XKR4: variants seen among roughly 807,000 people sequenced by gnomAD.
XKR4 encodes XK related 4.
Under a neutral mutation model 53.9 loss-of-function variants are expected in XKR4, and 12 were observed. The observed-to-expected ratio is 0.22, with a 90% CI of 0.14 to 0.36. The LOEUF is 0.36. Ranked by LOEUF, XKR4 falls within the 10% of genes least tolerant of loss-of-function variation. The probability of loss-of-function intolerance (pLI) is 1.00; values close to 1 mark genes in which losing one functional copy is unlikely to be tolerated. For synonymous variants in XKR4, 354 were observed against 362.4 expected (o/e 0.98, Z 0.26); for missense variants, 799 against 859.5 (o/e 0.93, Z 0.88).
chr8:55,162,681 G>A (rs572142190), intron 1 of XKR4, among the ~76,000 whole-genome samples: 1 of 152,110 alleles, frequency 6.6e-6, no homozygotes, highest in Non-Finnish European at 1.5e-5. Flanking sequence ...AACAAGGTAA[G>A]CACACAGAAA....
At chr8:55,113,128 C>T (rs1448827720) in intron 1 of XKR4, among the ~76,000 whole-genome samples, 1 of 152,012 alleles carries the variant, frequency 6.6e-6, no homozygotes, top group Non-Finnish European at 1.5e-5. Context: ...TAAAGAGTTA[C>T]AATTATTTAA....
At chr8:55,515,277 T>C (rs1466485855) in intron 2 of XKR4, among the ~76,000 whole-genome samples, 1 of 152,148 alleles carries the variant, frequency 6.6e-6, no homozygotes, top group East Asian at 1.9e-4. Flanking sequence ...TATTACAAGG[T>C]TTAAAACAGA....
At chr8:55,505,326 G>A (rs902343807) in intron 2 of XKR4, among the ~76,000 whole-genome samples, 8 of 151,988 alleles carry the variant, frequency 5.3e-5, no homozygotes, top group East Asian at 1.9e-4. Context: ...TTGACCCACT[G>A]GTTAAGAGTA....
At chr8:55,455,823 A>G (rs1805561319) in intron 2 of XKR4, among the ~76,000 whole-genome samples, 1 of 152,220 alleles carries the variant, frequency 6.6e-6, no homozygotes, top group Non-Finnish European at 1.5e-5. Context: ...CACAAAGATC[A>G]GTCATCAGGA....
At chr8:55,209,244 T>C (rs1817694047) in intron 1 of XKR4, among the ~76,000 whole-genome samples, 1 of 143,410 alleles carries the variant, frequency 7.0e-6, no homozygotes, top group Non-Finnish European at 1.6e-5. Flanking sequence ...TTCTCTCACC[T>C]GCTCAGCCCC....
At chr8:55,364,530 T>G (rs1803948388) in intron 2 of XKR4, among the ~76,000 whole-genome samples, 1 of 152,256 alleles carries the variant, frequency 6.6e-6, no homozygotes, top group Admixed American at 6.5e-5. Context: ...GAGCTATGCA[T>G]TCTGCCAGAG....
At chr8:55,159,018 T>G (rs1314966042) in intron 1 of XKR4, among the ~76,000 whole-genome samples, 1 of 152,096 alleles carries the variant, frequency 6.6e-6, no homozygotes, top group Non-Finnish European at 1.5e-5. Context: ...CTGTGAAGAG[T>G]ATCATTGGTA....
intron 2 of XKR4, among the ~76,000 whole-genome samples, chr8:55,446,136 A>G (rs1399917628): frequency 4.0e-5 from 6 of 150,742 alleles, no homozygotes; most frequent in Non-Finnish European, 4.4e-5. Context: ...CCACCCTGAA[A>G]CTATAGCGTT....
intron 2 of XKR4, among the ~76,000 whole-genome samples, chr8:55,399,956 G>T (rs140286413): frequency 2.6e-5 from 4 of 152,308 alleles, no homozygotes; most frequent in African/African-American, 9.6e-5. Flanking sequence ...TCCAGGTTCT[G>T]CCCCTCGGGT....
At chr8:55,158,429 T>G (rs941515189) in intron 1 of XKR4, among the ~76,000 whole-genome samples, 7 of 152,192 alleles carry the variant, frequency 4.6e-5, no homozygotes, top group African/African-American at 1.7e-4. Context: ...TTTGCAAATA[T>G]TTTCTCCATT....
chr8:55,497,202 C>T (rs56941354), intron 2 of XKR4, among the ~76,000 whole-genome samples: 8,034 of 152,226 alleles, frequency 0.053, 598 homozygotes, highest in East Asian at 0.28. Context: ...TTCCCTATTA[C>T]GCTAAGCACT....
chr8:55,293,126 G>A (rs1819053674), intron 1 of XKR4, among the ~76,000 whole-genome samples: 2 of 152,186 alleles, frequency 1.3e-5, no homozygotes, highest in African/African-American at 4.8e-5. Flanking sequence ...CCTGAGGTCA[G>A]GAGTTTGAGA....
chr8:55,324,934 T>G (rs941348321), intron 1 of XKR4, among the ~76,000 whole-genome samples: 1 of 152,168 alleles, frequency 6.6e-6, no homozygotes, highest in African/African-American at 2.4e-5. Flanking sequence ...TTACCACCTT[T>G]CTCATCACAT....
At chr8:55,297,212 T>G (rs907540823) in intron 1 of XKR4, among the ~76,000 whole-genome samples, 1 of 152,084 alleles carries the variant, frequency 6.6e-6, no homozygotes, top group African/African-American at 2.4e-5. Context: ...ACCCAAGAGC[T>G]TGGGGAGCAC....
chr8:55,427,910 C>T (rs1329244277), intron 2 of XKR4, among the ~76,000 whole-genome samples: 3 of 152,174 alleles, frequency 2.0e-5, no homozygotes, highest in Non-Finnish European at 4.4e-5. Context: ...TGCAGATGAG[C>T]TCATTGAGAC....
intron 2 of XKR4, among the ~76,000 whole-genome samples, chr8:55,379,779 C>T (rs778127843): frequency 1.3e-5 from 2 of 152,206 alleles, no homozygotes; most frequent in African/African-American, 2.4e-5. Context: ...GGTTCCAGGG[C>T]ATCTTCGGGT....
intron 2 of XKR4, among the ~76,000 whole-genome samples, chr8:55,521,149 T>A (rs1157668629): frequency 6.6e-6 from 1 of 152,230 alleles, no homozygotes; most frequent in Non-Finnish European, 1.5e-5. Context: ...GAAACCCAGC[T>A]GGGCGCCGCG....
chr8:55,473,111 C>T (rs1261705686), intron 2 of XKR4, among the ~76,000 whole-genome samples: 1 of 152,094 alleles, frequency 6.6e-6, no homozygotes, highest in Non-Finnish European at 1.5e-5. Flanking sequence ...TCCAGTCTTC[C>T]TTGGCCTGCC....
At chr8:55,453,081 G>T in intron 2 of XKR4, 1 of 573,754 alleles carries the variant, frequency 1.7e-6, no homozygotes, top group Non-Finnish European at 3.4e-6. Context: ...GATCCTCGGT[G>T]GGCTCCAGGT....
Sources: gnomAD v4.1 joint callset for allele counts (sites outside exome capture counted in the v4.1 genomes callset) on GRCh38, gnomAD v4.1.1 for gene constraint, MANE v1.5 for transcripts, NCBI Gene and HGNC (gene_info 2026-07-23, HGNC 2026-07-21) for gene names.